The following DNAH14 variants were observed in gnomAD, a reference collection of about 807,000 sequenced individuals.
DNAH14 encodes axonemal beta dynein heavy chain 14.
In DNAH14, 478 loss-of-function variants were observed where a neutral mutation model predicts 520.9. The observed-to-expected ratio is 0.92, with a 90% CI of 0.85 to 0.99. The LOEUF (loss-of-function observed/expected upper bound fraction) is 0.99. Ranked by LOEUF, DNAH14 falls within the 50% of genes least tolerant of loss-of-function variation. DNAH14 has a pLI of 0.00. For missense variants in DNAH14, 4,831 were observed against 5,234.5 expected (o/e 0.92, Z 2.38); for synonymous variants, 1,581 against 1,757.2 (o/e 0.90, Z 2.51).
At chr1:225,009,966 A>C (rs2147887376) in intron 10 of DNAH14, among the ~76,000 whole-genome samples, 1 of 152,332 alleles carries the variant, frequency 6.6e-6, no homozygotes, top group Non-Finnish European at 1.5e-5. Flanking sequence ...ACTTTGCTGA[A>C]GTTGCTTATC....
At chr1:225,290,110 C>A in intron 55 of DNAH14, 28 bp downstream of exon 55, 1 of 1,341,442 alleles carries the variant, frequency 7.5e-7, no homozygotes. Flanking sequence ...TTGCTATTTG[C>A]TGAAGTTTGA....
intron 27 of DNAH14, among the ~76,000 whole-genome samples, chr1:225,131,605 C>T (rs950525774): frequency 2.6e-5 from 4 of 152,164 alleles, no homozygotes; most frequent in Admixed American, 6.5e-5. Flanking sequence ...TAATTCAATT[C>T]CATCTGAAAA....
At chr1:225,169,935 A>G (rs1415085593) in intron 36 of DNAH14, among the ~76,000 whole-genome samples, 1 of 152,250 alleles carries the variant, frequency 6.6e-6, no homozygotes, top group African/African-American at 2.4e-5. Context: ...CAGAAACTCT[A>G]CAAGCCAGAA....
At chr1:225,188,611 AC>A (rs2085035311) in intron 37 of DNAH14, among the ~76,000 whole-genome samples, 2 of 151,840 alleles carry the variant, frequency 1.3e-5, no homozygotes, top group Non-Finnish European at 2.9e-5. Context: ...AAGTTTTGAA[AC>A]TGGGAAGTGC....
chr1:225,397,338 C>T (rs1333214773), intron 84 of DNAH14: 3 of 152,382 alleles, frequency 2.0e-5, no homozygotes, highest in Non-Finnish European at 2.9e-5. Context: ...GCTTGCACCT[C>T]CAGGTAGTCA....
intron 4 of DNAH14, among the ~76,000 whole-genome samples, chr1:224,962,222 C>T (rs1430338651): frequency 6.6e-6 from 1 of 152,080 alleles, no homozygotes; most frequent in Non-Finnish European, 1.5e-5. Context: ...GAAGCAGAAC[C>T]TGTGAATATG....
intron 49 of DNAH14, among the ~76,000 whole-genome samples, chr1:225,267,292 CT>C (rs776025994): frequency 0.025 from 3,256 of 131,356 alleles, 31 homozygotes; most frequent in East Asian, 0.058. Context: ...GAATGGCTTC[CT>C]TTTTTTTTTT....
At chr1:225,160,797 AT>A (rs564878615) in intron 35 of DNAH14, among the ~76,000 whole-genome samples, 2 of 151,970 alleles carry the variant, frequency 1.3e-5, no homozygotes, top group Non-Finnish European at 2.9e-5. Context: ...CTGATATATT[AT>A]TTTTTTCTCA....
intron 79 of DNAH14, among the ~76,000 whole-genome samples, chr1:225,378,638 T>C (rs1213156323): frequency 6.6e-6 from 1 of 152,122 alleles, no homozygotes; most frequent in African/African-American, 2.4e-5. Context: ...ATGCCAGCAC[T>C]TTGGGAGGCC....
intron 42 of DNAH14, among the ~76,000 whole-genome samples, chr1:225,234,876 G>C (rs2091456130): frequency 6.6e-6 from 1 of 152,092 alleles, no homozygotes. Flanking sequence ...GAATGCTAGT[G>C]ACTTTTGCAC....
At chr1:225,058,387 C>G (rs1165448954) in intron 17 of DNAH14, among the ~76,000 whole-genome samples, 2 of 152,100 alleles carry the variant, frequency 1.3e-5, no homozygotes, top group Non-Finnish European at 2.9e-5. Flanking sequence ...TCCCCTTTGT[C>G]ATTTTTTATT....
At chr1:224,939,182 ATTTTC>A (rs1247440426) in intron 1 of DNAH14, among the ~76,000 whole-genome samples, 2 of 152,284 alleles carry the variant, frequency 1.3e-5, no homozygotes, top group Non-Finnish European at 2.9e-5. Context: ...ACTGACAGTT[ATTTTC>A]TTCTCAGCAT....
intron 27 of DNAH14, among the ~76,000 whole-genome samples, chr1:225,134,020 C>T (rs1267014106): frequency 1.3e-5 from 2 of 151,944 alleles, no homozygotes. Context: ...TGATTTGGCT[C>T]TCTGCTTGCT....
rs570427208 is a variant in DNAH14, at chr1:224,963,087, T to G, written c.368-1392T>G. On this transcript the variant is annotated intron_variant, in intron 4 of 85. Coordinates refer to ENST00000682510, the MANE Select transcript of DNAH14 (RefSeq NM_001367479.1). ...ATTTTTCCATATGTTTATGGGCCATTTATCTTTTCCTGTAAATTTTTTGTT... is the reference window on the plus strand; with the variant it reads ...ATTTTTCCATATGTTTATGGGCCATGTATCTTTTCCTGTAAATTTTTTGTT... 2.0e-5 allele frequency among the ~76,000 whole-genome samples: 3 copies of G among 152,236 alleles called. No individual in the cohort carries two copies. The South Asian group carries it at 6.2e-4, about 32-fold the overall frequency.
Position 225,290,051 on chromosome 1 carries a change from T to TTCCTG in DNAH14, c.8440_8441insCTGTC (p.Leu2814ProfsTer3). ...GCAGGATTAAAAGGGAAACCCACTG[T>TTCCTG]TCTGATGGTTCCCAATTTAAACATA... On this transcript the variant is annotated frameshift_variant, in exon 55 of 86. Transcript: ENST00000682510. LOFTEE classifies it high-confidence loss of function. 2 of 1,495,248 alleles carry TTCCTG rather than the reference T, an allele frequency of 1.3e-6. No individual in the cohort carries two copies. The highest frequency in any genetic ancestry group is 1.4e-5 in the African/African-American group (1 of 71,146). The allele number at this position is 1,495,248 out of a possible 1,614,324, so 92.6% of individuals were successfully genotyped here. A position where few individuals can be genotyped will look rare whatever the true frequency, so the allele number is the denominator to read the frequency against.
intron 17 of DNAH14, among the ~76,000 whole-genome samples, chr1:225,062,502 A>G (rs2148426358): frequency 6.6e-6 from 1 of 152,096 alleles, no homozygotes; most frequent in South Asian, 2.1e-4. Flanking sequence ...AGTTGAGGAT[A>G]TGGCTGAAAT....
intron 15 of DNAH14, among the ~76,000 whole-genome samples, chr1:225,047,777 C>G (rs2068095492): frequency 6.6e-6 from 1 of 152,174 alleles, no homozygotes; most frequent in Admixed American, 6.5e-5. Flanking sequence ...TTAACAGTTT[C>G]CAGTCCAAAC....
rs1404904621 is a variant in DNAH14, at chr1:225,388,444, T to C, written c.13143T>C (p.Asn4381=). ...TTGATGATCTCATCCAGCGACTGAA[T>C]TTCTTCAATACTTGGGCCAAAGTGG... The part of the protein sequence containing the change: ...SWIDDLIQRL[N]FFNTWAKVAY... The change falls in exon 82 of 86, where the codon AAT becomes AAC. Residue 4381 remains asparagine (N), a synonymous_variant. Coordinates refer to ENST00000682510, the MANE Select transcript of DNAH14 (RefSeq NM_001367479.1). 1 of 1,535,172 alleles carries C rather than the reference T, an allele frequency of 6.5e-7. No homozygotes were observed. The highest frequency in any genetic ancestry group is 8.8e-7 in the Non-Finnish European group (1 of 1,133,566).
At chr1:224,992,976 C>T (rs568498683) in intron 8 of DNAH14, among the ~76,000 whole-genome samples, 159 of 152,026 alleles carry the variant, frequency 1.0e-3, no homozygotes, top group African/African-American at 3.3e-3. Flanking sequence ...CGATTTTTGT[C>T]CTTCATTCTG....
Sources: gnomAD v4.1 joint callset for allele counts (sites outside exome capture counted in the v4.1 genomes callset) on GRCh38, gnomAD v4.1.1 for gene constraint, MANE v1.5 for transcripts, NCBI Gene and HGNC (gene_info 2026-07-23, HGNC 2026-07-21) for gene names.